RBPMS: variants seen among roughly 807,000 people sequenced by gnomAD.
RBPMS encodes RNA-binding protein with multiple splicing.
RBPMS carries 7 observed loss-of-function variants against 26.8 expected under a neutral mutation model. The ratio of observed to expected loss-of-function variants is 0.26; its 90% confidence interval spans 0.15 to 0.49. The LOEUF (loss-of-function observed/expected upper bound fraction) is 0.49. Ranked by LOEUF, RBPMS falls within the 20% of genes least tolerant of loss-of-function variation. The probability of loss-of-function intolerance (pLI) is 0.98; values close to 1 mark genes in which losing one functional copy is unlikely to be tolerated. For missense variants in RBPMS, 186 were observed against 250.0 expected, an observed-to-expected ratio of 0.74 and a Z score of 1.73; for synonymous variants, 96 against 93.3, an observed-to-expected ratio of 1.03 and a Z score of -0.17.
intron 5 of RBPMS, among the ~76,000 whole-genome samples, chr8:30,519,501 G>T (rs75194481): frequency 3.2e-5 from 2 of 62,742 alleles, no homozygotes; most frequent in South Asian, 5.8e-4. Flanking sequence ...TTTTTTTTTT[G>T]GAGACGGAGT....
chr8:30,569,711 T>G (rs947061687), intron 8 of RBPMS, among the ~76,000 whole-genome samples: 1 of 143,794 alleles, frequency 7.0e-6, no homozygotes, highest in Admixed American at 6.7e-5. Flanking sequence ...ATGGTGATGG[T>G]GGAGTGGAAG....
chr8:30,388,296 A>C (rs1212971535), intron 1 of RBPMS, among the ~76,000 whole-genome samples: 1 of 151,838 alleles, frequency 6.6e-6, no homozygotes, highest in African/African-American at 2.4e-5. Context: ...ACTTTATAAA[A>C]ATTGATATAT....
Position 30,504,526 on chromosome 8 carries a change from G to T in RBPMS, c.397+90G>T, listed in dbSNP as rs191416285. 2,291 of 1,303,042 alleles carry T rather than the reference G, an allele frequency of 1.8e-3. 6 individuals are homozygous for T. Among genetic ancestry groups the T allele is most frequent in the Middle Eastern group, 7.6e-3 (39 of 5,138 alleles). 80.7% of individuals were successfully genotyped at this position (1,303,042 alleles called of 1,614,324 possible). On this transcript the variant is annotated intron_variant, in intron 5 of 8. Transcript: ENST00000397323. ...AGGTTACACCATGGGACATGGAGCT[G>T]GCTGAGTCTTATTTTCCATTTCTGT...
chr8:30,384,911 C>A lies in RBPMS; in HGVS notation c.-182C>A. ...CCCGCCGCCGCCGTCGCAGACTCGC[C>A]GCGGGAGCCCCAGCCCAACCCGAGC... On this transcript the variant is annotated 5_prime_UTR_variant, in exon 1 of 9. Transcript: ENST00000397323. This position sits in a 1 kb window ranked among gnomAD's most constrained non-coding sequence, Gnocchi z 5.6. 1 of 376,258 alleles carries A rather than the reference C, an allele frequency of 2.7e-6. No homozygotes were observed. Among genetic ancestry groups the A allele is most frequent in the South Asian group, 1.0e-4 (1 of 9,678 alleles). The allele number at this position is 376,258 out of a possible 1,614,324, so 23.3% of individuals were successfully genotyped here. A position where few individuals can be genotyped will look rare whatever the true frequency, so the allele number is the denominator to read the frequency against.
chr8:30,450,225 C>A (rs1349969659), intron 1 of RBPMS, among the ~76,000 whole-genome samples: 2 of 152,178 alleles, frequency 1.3e-5, no homozygotes, highest in Non-Finnish European at 2.9e-5. Flanking sequence ...TTTTAATATT[C>A]TTTTAAAAGT....
rs1169755487 is a variant in RBPMS, at chr8:30,412,985, A to G, written c.66+27827A>G. ...AGAACCGTATTTGTTTAACACCCTCACTTAAAAAGATGGGGCCACTGAAGT... is the reference window on the plus strand; with the variant it reads ...AGAACCGTATTTGTTTAACACCCTCGCTTAAAAAGATGGGGCCACTGAAGT... On this transcript the variant is annotated intron_variant, in intron 1 of 8. Coordinates refer to ENST00000397323, the MANE Select transcript of RBPMS (RefSeq NM_001008710.3). Among the ~76,000 whole-genome samples, 3 of 152,184 alleles carry G rather than the reference A, an allele frequency of 2.0e-5. No individual in the cohort carries two copies. The South Asian group carries it at 6.2e-4, about 32-fold the overall frequency.
At chr8:30,514,170 C>A (rs960942301) in intron 5 of RBPMS, among the ~76,000 whole-genome samples, 14 of 152,066 alleles carry the variant, frequency 9.2e-5, no homozygotes, top group African/African-American at 2.7e-4. Context: ...AAGAAAAAAG[C>A]CAATTTTGCC....
At chr8:30,556,497 C>T (rs781657280) in intron 6 of RBPMS, 86 of 985,962 alleles carry the variant, frequency 8.7e-5, no homozygotes, top group Middle Eastern at 5.1e-4. Context: ...CTCTCCTCCC[C>T]GGGCAGCCCT....
chr8:30,526,079 CT>C (rs1412719607), intron 5 of RBPMS, among the ~76,000 whole-genome samples: 1 of 152,254 alleles, frequency 6.6e-6, no homozygotes, highest in African/African-American at 2.4e-5. Context: ...AAGAGCTTCA[CT>C]TCCTACTTTG....
chr8:30,459,074 G>A (rs1043159680), intron 1 of RBPMS, among the ~76,000 whole-genome samples: 5 of 150,416 alleles, frequency 3.3e-5, no homozygotes, highest in African/African-American at 9.8e-5. Context: ...AGCGATTCTC[G>A]TGCCTCAGCC....
intron 5 of RBPMS, among the ~76,000 whole-genome samples, chr8:30,511,486 A>AAAAAAAATAT (rs1821657057): frequency 4.2e-5 from 1 of 23,574 alleles, no homozygotes; most frequent in African/African-American, 1.6e-4. Flanking sequence ...AAAAAAAAAA[A>AAAAAAAATAT]ATATATATAT....
At position 30,432,832 on chromosome 8, in the gene RBPMS, C is replaced by A. The variant is rs368111312; in HGVS notation, c.67-41947C>A. Among the ~76,000 whole-genome samples, 6 of 152,118 alleles carry A rather than the reference C, an allele frequency of 3.9e-5. No individual in the cohort carries two copies. In the South Asian group the frequency reaches 1.2e-3, roughly 32 times the overall value. ...GAATAAATAAATAAATAAAACGATTCCACATTATTTTCTGTTTGCCTAAAT... is the reference window on the plus strand; with the variant it reads ...GAATAAATAAATAAATAAAACGATTACACATTATTTTCTGTTTGCCTAAAT... On this transcript the variant is annotated intron_variant, in intron 1 of 8. Transcript: ENST00000397323.
chr8:30,543,459 C>T (rs982472899), intron 5 of RBPMS, among the ~76,000 whole-genome samples: 5 of 152,176 alleles, frequency 3.3e-5, no homozygotes, highest in Non-Finnish European at 7.3e-5. Context: ...AGGGAAAGTA[C>T]TGAATGGCAG....
Position 30,519,480 on chromosome 8 carries a change from T to C in RBPMS, c.397+15044T>C, listed in dbSNP as rs1389587608. On this transcript the variant is annotated intron_variant, in intron 5 of 8. Coordinates refer to ENST00000397323, the MANE Select transcript of RBPMS (RefSeq NM_001008710.3). ...TCTCTTTTTTTTTTTTTTTTTTTTT[T>C]TTTTTTTTTTTTTTTTTTTTGGAGA... 3.1e-3 allele frequency among the ~76,000 whole-genome samples: 87 copies of C among 28,480 alleles called. 2 individuals are homozygous for C. The highest frequency in any genetic ancestry group is 0.01 in the African/African-American group (82 of 8,132). The allele number at this position is 28,480 out of a possible 152,430, so 18.7% of individuals were successfully genotyped here. A position where few individuals can be genotyped will look rare whatever the true frequency, so the allele number is the denominator to read the frequency against.
chr8:30,526,160 T>C (rs1585764978), intron 5 of RBPMS, among the ~76,000 whole-genome samples: 1 of 152,186 alleles, frequency 6.6e-6, no homozygotes, highest in Non-Finnish European at 1.5e-5. Context: ...ATCCCCAGAT[T>C]CCCAGCCATA....
chr8:30,499,391 CAT>C (rs1004220621), intron 4 of RBPMS, among the ~76,000 whole-genome samples: 45 of 152,076 alleles, frequency 3.0e-4, no homozygotes, highest in African/African-American at 1.1e-3. Context: ...TGAAAAACAA[CAT>C]ATTTATATAG....
At chr8:30,425,906 C>T (rs1032750774) in intron 1 of RBPMS, among the ~76,000 whole-genome samples, 7 of 152,300 alleles carry the variant, frequency 4.6e-5, no homozygotes, top group African/African-American at 1.7e-4. Flanking sequence ...TGAGGTCACA[C>T]AGCTGTAATG....
At chr8:30,457,978 G>T (rs1815430842) in intron 1 of RBPMS, among the ~76,000 whole-genome samples, 1 of 152,188 alleles carries the variant, frequency 6.6e-6, no homozygotes, top group Non-Finnish European at 1.5e-5. Context: ...TTTGTGGGGG[G>T]ATCGGTTCCA....
rs772882454 is a variant in RBPMS, at chr8:30,541,404, A to G, written c.398-3090A>G. Among the ~76,000 whole-genome samples the G allele has an allele frequency of 2.0e-4, 30 of 152,222 alleles. 1 individual carries two copies. Among genetic ancestry groups the G allele is most frequent in the African/African-American group, 9.6e-5 (4 of 41,464 alleles). On this transcript the variant is annotated intron_variant, in intron 5 of 8. Transcript: ENST00000397323. ...TGGTTGCATATTCTCATGCTAAGAA[A>G]AAAAGCCTATTCAGATGTATATTGT...
Sources: gnomAD v4.1 joint callset for allele counts (sites outside exome capture counted in the v4.1 genomes callset) on GRCh38, gnomAD v4.1.1 for gene constraint, Gnocchi (gnomAD v3.1) non-coding constraint, MANE v1.5 for transcripts, NCBI Gene and HGNC (gene_info 2026-07-23, HGNC 2026-07-21) for gene names.